The following ATP1B4 variants were observed in gnomAD, a reference collection of about 807,000 sequenced individuals.
ATP1B4 encodes the protein protein ATP1B4.
ATP1B4 carries 32 observed loss-of-function variants against 29.6 expected under a neutral mutation model. The ratio of observed to expected loss-of-function variants is 1.08; its 90% CI spans 0.82 to 1.45. The LOEUF is 1.45. Among genes scored for constraint, ATP1B4 ranks in the 40% most tolerant of loss-of-function variants. The probability of loss-of-function intolerance (pLI) is 0.00; values close to 1 mark genes in which losing one functional copy is unlikely to be tolerated. For synonymous variants in ATP1B4, 127 were observed against 102.1 expected (o/e 1.24, Z -1.47); for missense variants, 323 against 276.2 (o/e 1.17, Z -1.20).
At chrX:120,371,555 T>C (rs2058313719) in intron 4 of ATP1B4, among the ~76,000 whole-genome samples, 2 of 111,394 alleles carry the variant, frequency 1.8e-5, no homozygotes, top group African/African-American at 6.5e-5. Flanking sequence ...TTGGGGGAGA[T>C]AGTGGTGGGA....
chrX:120,365,505 T>A (rs1331866408), intron 1 of ATP1B4, among the ~76,000 whole-genome samples: 1 of 112,362 alleles, frequency 8.9e-6, no homozygotes, highest in African/African-American at 3.2e-5. Flanking sequence ...CCCTGGTCTC[T>A]AGTGTTTGAC....
rs951305594 is a variant in ATP1B4, at chrX:120,381,007, A to G, written c.*1373A>G. The G allele has an allele frequency of 7.1e-5, 8 of 112,445 alleles. No homozygotes were observed. Among genetic ancestry groups the G allele is most frequent in the African/African-American group, 2.3e-4 (7 of 30,840 alleles). The allele number at this position is 112,445 out of a possible 1,213,427, so 9.3% of individuals were successfully genotyped here. ...AGGGTCCGAAGCAAGTTTAAATGCCACCTAGGAGGATCCAAAGTCTGAATC... is the reference window on the plus strand; with the variant it reads ...AGGGTCCGAAGCAAGTTTAAATGCCGCCTAGGAGGATCCAAAGTCTGAATC... On this transcript the variant is annotated 3_prime_UTR_variant, in exon 8 of 8. Coordinates refer to ENST00000218008, the MANE Select transcript of ATP1B4 (RefSeq NM_001142447.3).
Position 120,383,187 on chromosome X carries a change from T to C in ATP1B4, c.*3553T>C, listed in dbSNP as rs1401300788. ...GGGGATCAACATGTAAAAAAACATT[T>C]ATATTGTCTTGAGGAGTTGTCAACA... On this transcript the variant is annotated 3_prime_UTR_variant, in exon 8 of 8. Coordinates refer to ENST00000218008, the MANE Select transcript of ATP1B4 (RefSeq NM_001142447.3). The C allele has an allele frequency of 8.9e-6, 1 of 112,425 alleles. No homozygotes were observed. The highest frequency in any genetic ancestry group is 1.9e-5 in the Non-Finnish European group (1 of 53,244). 9.3% of individuals were successfully genotyped at this position (112,425 alleles called of 1,213,427 possible).
chrX:120,375,971 G>A (rs1892463901), intron 5 of ATP1B4, among the ~76,000 whole-genome samples: 1 of 111,552 alleles, frequency 9.0e-6, no homozygotes, highest in South Asian at 3.8e-4. Context: ...ATAAAGAATG[G>A]AATACTGAGC....
At chrX:120,366,385 TAAC>T in intron 1 of ATP1B4, 137 bp from the exon 2 acceptor site, 1 of 692,730 alleles carries the variant, frequency 1.4e-6, no homozygotes, top group South Asian at 3.2e-5. Context: ...CCACCTCTTG[TAAC>T]AACATGTATG....
At chrX:120,370,570 A>C in intron 2 of ATP1B4, 145 bp from the exon 3 acceptor site, 2 of 721,061 alleles carry the variant, frequency 2.8e-6, no homozygotes, top group Non-Finnish European at 2.0e-6. Flanking sequence ...AATTGGTGAA[A>C]TCTGAATAAG....
Position 120,381,415 on chromosome X carries a change from G to A in ATP1B4, c.*1781G>A, listed in dbSNP as rs1242951067. ...AGCATTTTAATCAGGGAGGCTCTGT[G>A]ATCACATTTGTGTTTTATTTTATTT... On this transcript the variant is annotated 3_prime_UTR_variant, in exon 8 of 8. Transcript: ENST00000218008. The A allele has an allele frequency of 8.9e-6, 1 of 112,063 alleles. No homozygotes were observed. The highest frequency in any genetic ancestry group is 3.2e-5 in the African/African-American group (1 of 30,842). 9.2% of individuals were successfully genotyped at this position (112,063 alleles called of 1,213,427 possible).
chrX:120,362,348 A>G, intron 1 of ATP1B4, 117 bp downstream of exon 1: 1 of 698,538 alleles, frequency 1.4e-6, no homozygotes, highest in South Asian at 2.4e-5. Flanking sequence ...GGGCAGAAAC[A>G]GCGAAGTTTA....
chrX:120,378,812 G>A (rs769294581), intron 7 of ATP1B4, 39 bp downstream of exon 7: 4 of 1,115,053 alleles, frequency 3.6e-6, no homozygotes, highest in Non-Finnish European at 4.9e-6. Context: ...GTCAGAAAGG[G>A]CTCAGTGACA....
chrX:120,371,832 C>A (rs1302017765), intron 4 of ATP1B4, among the ~76,000 whole-genome samples: 3 of 112,093 alleles, frequency 2.7e-5, no homozygotes, highest in Non-Finnish European at 5.6e-5. Flanking sequence ...CCACGCCCTG[C>A]TAATTTTTTG....
chrX:120,362,265 C>T lies in ATP1B4; in HGVS notation c.63+34C>T, dbSNP rs372500912. On this transcript the variant is annotated intron_variant, in intron 1 of 7. Coordinates refer to ENST00000218008, the MANE Select transcript of ATP1B4 (RefSeq NM_001142447.3). ...CAGAGAGCAGAATATTTTGCTGCCC[C>T]CTCCCCTTTTATTTTAATGGGGTGG... 6 of 1,164,758 alleles carry T rather than the reference C, an allele frequency of 5.2e-6. 1 individual carries two copies. The highest frequency in any genetic ancestry group is 1.8e-5 in the South Asian group (1 of 55,915).
At position 120,376,432 on chromosome X, in the gene ATP1B4, T is replaced by C. The variant is rs770359787; in HGVS notation, c.812T>C (p.Val271Ala). Residue 271 changes from valine to alanine, a missense_variant, in exon 6 of 8, where the codon GTT (valine) becomes GCT (alanine). Physicochemically the swap from Val to Ala is moderately conservative, Grantham distance 64. Transcript: ENST00000218008. ...GATCCTGTGAAGGTTTCCTGCAAAG[T>C]TCAGGTAAAGAGTCCTTTTGAGTAA... Reference protein sequence around the residue: ...LGDPVKVSCKVQRGDENDIRS... With the variant: ...LGDPVKVSCKAQRGDENDIRS... 4 of 1,208,275 alleles carry C rather than the reference T, an allele frequency of 3.3e-6. No individual in the cohort carries two copies. In the South Asian group the frequency reaches 5.3e-5, roughly 16 times the overall value.
chrX:120,375,192 G>C (rs1357554536), intron 4 of ATP1B4, among the ~76,000 whole-genome samples, 180 bp from the exon 5 acceptor site: 2 of 99,935 alleles, frequency 2.0e-5, no homozygotes, highest in Non-Finnish European at 4.2e-5. Flanking sequence ...TTCCTAGAGG[G>C]ATGGCTGCCG....
chrX:120,378,746 C>T lies in ATP1B4; in HGVS notation c.885C>T (p.Tyr295=). ...AGTCGGCTTCTTTTGACCTCCGCTA[C>T]TACCCTTACTACGGCAAACTGACTC... ...YPESASFDLR[Y]YPYYGKLTHV... Residue 295 remains tyrosine (Y), a synonymous_variant, in exon 7 of 8, where the codon TAC becomes TAT. Coordinates refer to ENST00000218008, the MANE Select transcript of ATP1B4 (RefSeq NM_001142447.3). 8.3e-7 allele frequency: 1 copy of T among 1,210,426 alleles called. No individual in the cohort carries two copies. The highest frequency in any genetic ancestry group is 1.1e-6 in the Non-Finnish European group (1 of 894,503).
intron 4 of ATP1B4, among the ~76,000 whole-genome samples, chrX:120,374,230 G>C (rs1248446842): frequency 9.1e-6 from 1 of 109,812 alleles, no homozygotes; most frequent in African/African-American, 3.3e-5. Context: ...CCCGCCAGTG[G>C]AGACAGTACC....
chrX:120,366,468 G>A (rs1197840941), intron 1 of ATP1B4, 57 bp from the exon 2 acceptor site: 2 of 1,146,788 alleles, frequency 1.7e-6, no homozygotes, highest in East Asian at 3.0e-5. Context: ...TGGCTGGTGG[G>A]ATGCACCATT....
chrX:120,374,249 C>T (rs1419075670), intron 4 of ATP1B4, among the ~76,000 whole-genome samples: 1 of 109,228 alleles, frequency 9.2e-6, no homozygotes, highest in Non-Finnish European at 1.9e-5. Flanking sequence ...CCAGAGTCGG[C>T]CTCCAGCCCA....
In ATP1B4 at chrX:120,382,559, T is replaced by C. The variant is rs1477309070; in HGVS notation, c.*2925T>C. 1 of 112,322 alleles carries C rather than the reference T, an allele frequency of 8.9e-6. No individual in the cohort carries two copies. The highest frequency in any genetic ancestry group is 1.9e-5 in the Non-Finnish European group (1 of 53,253). 9.3% of individuals were successfully genotyped at this position (112,322 alleles called of 1,213,427 possible). ...ATCTGACTCCAGGTCCAGTGCTCTT[T>C]CTACTCTGAGCTGCTGCTTACCAGA... On this transcript the variant is annotated 3_prime_UTR_variant, in exon 8 of 8. Coordinates refer to ENST00000218008, the MANE Select transcript of ATP1B4 (RefSeq NM_001142447.3).
chrX:120,376,458 G>A (rs979044950), intron 6 of ATP1B4, 22 bp downstream of exon 6: 7 of 1,174,067 alleles, frequency 6.0e-6, no homozygotes, highest in East Asian at 3.0e-5. Context: ...TTTTGAGTAA[G>A]CATTGTTAGC....
Sources: allele counts gnomAD v4.1 joint callset (sites outside exome capture counted in the v4.1 genomes callset), GRCh38; gene constraint gnomAD v4.1.1; transcripts MANE v1.5; gene names NCBI Gene and HGNC (gene_info 2026-07-23, HGNC 2026-07-21).